ATP9B: variants seen among roughly 807,000 people sequenced by gnomAD.
ATP9B encodes the protein ATPase phospholipid transporting 9B.
In ATP9B, 110 loss-of-function variants were observed where a neutral mutation model predicts 146.1. The ratio of observed to expected loss-of-function variants is 0.75; its 90% CI spans 0.65 to 0.88. ATP9B has a LOEUF of 0.88. Among genes scored for constraint, ATP9B ranks in the 40% least tolerant of loss-of-function variants. The pLI, the probability that ATP9B is intolerant of heterozygous loss-of-function variation, is 0.00. For synonymous variants in ATP9B, 604 were observed against 569.7 expected (o/e 1.06, Z -0.86); for missense variants, 1,499 against 1,496.4 (o/e 1.00, Z -0.03).
At chr18:79,133,794 G>A (rs187831816) in intron 5 of ATP9B, among the ~76,000 whole-genome samples, 11 of 152,288 alleles carry the variant, frequency 7.2e-5, no homozygotes, top group Admixed American at 2.6e-4. Context: ...ATACTTCTTA[G>A]TCACTAAAGC....
chr18:79,218,650 G>A (rs563279467), intron 11 of ATP9B, among the ~76,000 whole-genome samples: 2 of 151,480 alleles, frequency 1.3e-5, no homozygotes, highest in Admixed American at 1.3e-4. Flanking sequence ...TCGTATTCTG[G>A]GTCCAGCGCA....
At chr18:79,264,629 A>G (rs912940485) in intron 12 of ATP9B, among the ~76,000 whole-genome samples, 3 of 150,868 alleles carry the variant, frequency 2.0e-5, no homozygotes. Flanking sequence ...ATTATCTTCT[A>G]GAAGCTTAAC....
chr18:79,327,703 GCT>G (rs1169020339), intron 15 of ATP9B, among the ~76,000 whole-genome samples: 70 of 130,040 alleles, frequency 5.4e-4, no homozygotes, highest in African/African-American at 9.0e-4. Context: ...TGGTTAGTGT[GCT>G]CTCTCCATGG....
At chr18:79,374,723 T>A (rs4606794) in intron 28 of ATP9B, among the ~76,000 whole-genome samples, 58,416 of 152,230 alleles carry the variant, frequency 0.38, 11,408 homozygotes, top group Middle Eastern at 0.54. Flanking sequence ...GTTCCTGTTC[T>A]TACATAAAAG....
At chr18:79,193,414 G>A (rs1380512197) in intron 9 of ATP9B, 151 bp downstream of exon 9, 9 of 639,182 alleles carry the variant, frequency 1.4e-5, no homozygotes, top group South Asian at 1.3e-4. Context: ...GTTCTTAAGT[G>A]TACCCATATT....
chr18:79,254,991 G>A (rs1224221214), intron 12 of ATP9B: 1 of 151,988 alleles, frequency 6.6e-6, no homozygotes, highest in Non-Finnish European at 1.5e-5. Flanking sequence ...TTCTCACTAA[G>A]CCCTGTGAGA....
intron 7 of ATP9B, among the ~76,000 whole-genome samples, chr18:79,172,677 G>GGA (rs2095097107): frequency 6.6e-6 from 1 of 152,266 alleles, no homozygotes; most frequent in African/African-American, 2.4e-5. Flanking sequence ...ACAACACCCT[G>GGA]GAGATCCATC....
intron 7 of ATP9B, among the ~76,000 whole-genome samples, chr18:79,166,997 G>A (rs1308355007): frequency 3.3e-5 from 5 of 152,178 alleles, no homozygotes; most frequent in African/African-American, 1.2e-4. Flanking sequence ...TGAGGCTGTG[G>A]CCAAATCAGG....
chr18:79,351,038 T>A (rs1271226273), intron 25 of ATP9B, among the ~76,000 whole-genome samples: 1 of 152,222 alleles, frequency 6.6e-6, no homozygotes, highest in Admixed American at 6.5e-5. Flanking sequence ...CCCAAAGTGT[T>A]GGGATTACAG....
chr18:79,121,538 C>A (rs2094189934), intron 4 of ATP9B, among the ~76,000 whole-genome samples: 1 of 152,204 alleles, frequency 6.6e-6, no homozygotes, highest in African/African-American at 2.4e-5. Context: ...GATCTAAACT[C>A]TTACGGGTAG....
At chr18:79,294,034 C>T (rs2096530027) in intron 13 of ATP9B, among the ~76,000 whole-genome samples, 1 of 152,076 alleles carries the variant, frequency 6.6e-6, no homozygotes, top group African/African-American at 2.4e-5. Context: ...TTGGGAATCT[C>T]AGAACTTGAA....
rs993051918 is a variant in ATP9B, at chr18:79,240,582, C to T, written c.1108-12799C>T. ...CCAACATGGACAAACCCCGTCTCTA[C>T]TAAAAATACAAAATTAGCTGGGTGT... On this transcript the variant is annotated intron_variant, in intron 11 of 29. Coordinates refer to ENST00000426216, the MANE Select transcript of ATP9B (RefSeq NM_198531.5). Among the ~76,000 whole-genome samples the T allele has an allele frequency of 2.0e-5, 3 of 152,116 alleles. No individual in the cohort carries two copies. In the East Asian group the frequency reaches 5.8e-4, roughly 29 times the overall value.
chr18:79,367,183 C>T (rs34015470), intron 26 of ATP9B, among the ~76,000 whole-genome samples: 616 of 27,120 alleles, frequency 0.023, 224 homozygotes, highest in East Asian at 0.091. Context: ...CACACAGATA[C>T]CTTCACCTCC....
intron 5 of ATP9B, among the ~76,000 whole-genome samples, chr18:79,134,464 A>G (rs1264868001): frequency 1.3e-5 from 2 of 152,120 alleles, no homozygotes; most frequent in Non-Finnish European, 2.9e-5. Context: ...CCCCAGAGTA[A>G]GTAGAGTCAT....
chr18:79,297,704 T>A (rs2096562836), intron 13 of ATP9B, among the ~76,000 whole-genome samples: 1 of 152,238 alleles, frequency 6.6e-6, no homozygotes, highest in African/African-American at 2.4e-5. Context: ...TCAAATACAT[T>A]ATATTATGTT....
In ATP9B at chr18:79,326,818, G is replaced by A. The variant is rs1434734279; in HGVS notation, c.1774-2323G>A. 2.0e-5 allele frequency among the ~76,000 whole-genome samples: 3 copies of A among 152,214 alleles called. No homozygotes were observed. In the East Asian group the frequency reaches 5.8e-4, roughly 29 times the overall value. The stretch of plus-strand genomic sequence containing the variant: ...GAGTGCATGTCTGGAGGGCTCCTGT[G>A]AGAAAGCTGAGGGTAGAGCCCTGGC... On this transcript the variant is annotated intron_variant, in intron 15 of 29. Transcript: ENST00000426216.
rs956740701 is a variant in ATP9B at position 79,098,573 on chromosome 18, G to T, written c.293+1924G>T. On this transcript the variant is annotated intron_variant, in intron 2 of 29. Transcript: ENST00000426216. Reference sequence around the variant, plus strand: ...CAACCCCATCAAAAAGTGGGCGAAGGACATGAACAGACACTTCTCAAAAGA... The same window carrying T: ...CAACCCCATCAAAAAGTGGGCGAAGTACATGAACAGACACTTCTCAAAAGA... Among the ~76,000 whole-genome samples, 3 of 151,770 alleles carry T rather than the reference G, an allele frequency of 2.0e-5. No homozygotes were observed. In the South Asian group the frequency reaches 6.2e-4, roughly 32 times the overall value.
intron 13 of ATP9B, among the ~76,000 whole-genome samples, chr18:79,293,970 T>C (rs764233914): frequency 2.0e-5 from 3 of 152,096 alleles, no homozygotes; most frequent in Non-Finnish European, 2.9e-5. Flanking sequence ...GTAGAATTCC[T>C]CTCAGTTTTC....
intron 9 of ATP9B, among the ~76,000 whole-genome samples, chr18:79,201,471 G>A (rs1256916135): frequency 1.3e-5 from 2 of 152,168 alleles, no homozygotes; most frequent in Non-Finnish European, 2.9e-5. Context: ...AATTGGCTGG[G>A]CATGGTGGCT....
Sources: gnomAD v4.1 joint callset for allele counts (sites outside exome capture counted in the v4.1 genomes callset) on GRCh38, gnomAD v4.1.1 for gene constraint, MANE v1.5 for transcripts, NCBI Gene and HGNC (gene_info 2026-07-23, HGNC 2026-07-21) for gene names.